SYNJ2: variants seen among roughly 807,000 people sequenced by gnomAD.
SYNJ2 encodes polyphosphatidylinositol phosphatase SYNJ2.
Under a neutral mutation model 141.3 loss-of-function variants are expected in SYNJ2, and 116 were observed. The observed-to-expected ratio is 0.82, with a 90% CI of 0.71 to 0.96. The LOEUF is 0.96. SYNJ2 is among the 40% of genes least tolerant of loss of function. The pLI, the probability that SYNJ2 is intolerant of heterozygous loss-of-function variation, is 0.00. For missense variants in SYNJ2, 1,873 were observed against 1,934.8 expected, an observed-to-expected ratio of 0.97 and a Z score of 0.60; for synonymous variants, 745 against 777.7, an observed-to-expected ratio of 0.96 and a Z score of 0.70.
chr6:158,004,854 A>C (rs546005888), intron 1 of SYNJ2, among the ~76,000 whole-genome samples: 12 of 151,204 alleles, frequency 7.9e-5, no homozygotes, highest in Non-Finnish European at 1.6e-4. Flanking sequence ...TCTCGCTGTC[A>C]TTTCTCACTA....
intron 4 of SYNJ2, among the ~76,000 whole-genome samples, chr6:158,042,126 G>A (rs992182100): frequency 6.6e-6 from 1 of 152,258 alleles, no homozygotes. Flanking sequence ...TTTCACGGTA[G>A]CCAACTATGT....
At chr6:158,018,723 G>T (rs145195410) in intron 2 of SYNJ2, among the ~76,000 whole-genome samples, 35 of 152,324 alleles carry the variant, frequency 2.3e-4, no homozygotes, top group African/African-American at 8.4e-4. Flanking sequence ...CCTAAAAATA[G>T]GCTACCGTGA....
At chr6:158,037,992 G>A (rs1288734319) in intron 4 of SYNJ2, among the ~76,000 whole-genome samples, 2 of 152,234 alleles carry the variant, frequency 1.3e-5, no homozygotes, top group African/African-American at 2.4e-5. Flanking sequence ...GCTGACTGGC[G>A]CTTGTCTCCT....
At chr6:158,036,531 T>A (rs1288383652) in intron 4 of SYNJ2, among the ~76,000 whole-genome samples, 1 of 152,120 alleles carries the variant, frequency 6.6e-6, no homozygotes, top group East Asian at 1.9e-4. Flanking sequence ...AACCAAACAC[T>A]GCATGTTCTT....
Position 158,081,605 on chromosome 6 carries a change from C to CTTT in SYNJ2, c.2865+123_2865+125dup, listed in dbSNP as rs60234675. On this transcript the variant is annotated intron_variant, in intron 20 of 26. Transcript: ENST00000355585. ...TTCCTCCTCTTGCCCTGACCTGTGC[C>CTTT]TTTTTTTTTTTTTTTTTTTTTTTTT... 818 of 213,000 alleles carry CTTT rather than the reference C, an allele frequency of 3.8e-3. 18 individuals are homozygous for CTTT. The highest frequency in any genetic ancestry group is 6.2e-3 in the South Asian group (174 of 28,254). The allele number at this position is 213,000 out of a possible 1,614,324, so 13.2% of individuals were successfully genotyped here. A position where few individuals can be genotyped will look rare whatever the true frequency, so the allele number is the denominator to read the frequency against.
chr6:158,028,566 G>A (rs1358906227), intron 2 of SYNJ2, 190 bp from the exon 3 acceptor site: 3 of 703,356 alleles, frequency 4.3e-6, no homozygotes, highest in Non-Finnish European at 6.9e-6. Context: ...ACTTTGAGAA[G>A]CCCCGCCTGA....
Position 158,084,272 on chromosome 6 carries a change from A to G in SYNJ2, c.3208+98A>G. On this transcript the variant is annotated intron_variant, in intron 22 of 26. Transcript: ENST00000355585. The surrounding 1 kb of genome is among the most constrained non-coding windows in gnomAD (Gnocchi z 5.0). Reference sequence around the variant, plus strand: ...GGCGATTGGGCACTGTGTGATATCAAGTATGCAGGTCCCAGGAGAGACCTC... The same window carrying G: ...GGCGATTGGGCACTGTGTGATATCAGGTATGCAGGTCCCAGGAGAGACCTC... 1 of 1,373,922 alleles carries G rather than the reference A, an allele frequency of 7.3e-7. No homozygotes were observed. The highest frequency in any genetic ancestry group is 2.6e-4 in the Middle Eastern group (1 of 3,834). 85.1% of individuals were successfully genotyped at this position (1,373,922 alleles called of 1,614,324 possible). A position where few individuals can be genotyped will look rare whatever the true frequency, so the allele number is the denominator to read the frequency against.
chr6:157,988,195 A>G (rs934202122), intron 1 of SYNJ2, among the ~76,000 whole-genome samples: 5 of 152,220 alleles, frequency 3.3e-5, no homozygotes, highest in African/African-American at 1.2e-4. Context: ...GGCATGTTAC[A>G]GGTGGAACGG....
chr6:158,029,610 A>T (rs1779258291), intron 3 of SYNJ2, among the ~76,000 whole-genome samples: 1 of 151,826 alleles, frequency 6.6e-6, no homozygotes, highest in East Asian at 1.9e-4. Context: ...ATAAGTAAAA[A>T]ACATAAGAGC....
Position 158,066,607 on chromosome 6 carries a change from C to T in SYNJ2, c.1689C>T (p.Pro563=). 1 of 1,613,858 alleles carries T rather than the reference C, an allele frequency of 6.2e-7. No homozygotes were observed. Among genetic ancestry groups the T allele is most frequent in the South Asian group, 1.1e-5 (1 of 91,082 alleles). The change falls in exon 12 of 27, where the codon CCC becomes CCT. Residue 563 remains proline, a synonymous_variant. Transcript: ENST00000355585. The part of the protein sequence containing the change: ...AELTDWLLDS[P]QLSGATDSQD... ...TGACAGACTGGCTGCTCGACTCGCC[C>T]CAGCTCTCGGGAGCTACCGACTCCC... is the stretch of plus-strand genomic sequence containing the variant.
chr6:157,999,287 C>T (rs927145943), intron 1 of SYNJ2, among the ~76,000 whole-genome samples: 3 of 152,252 alleles, frequency 2.0e-5, no homozygotes, highest in East Asian at 1.9e-4. Flanking sequence ...ACTCTCTTGC[C>T]ATCTCCCCCT....
At chr6:158,072,189 A>G (rs980439592) in intron 15 of SYNJ2, among the ~76,000 whole-genome samples, 2 of 152,198 alleles carry the variant, frequency 1.3e-5, no homozygotes, top group African/African-American at 4.8e-5. Context: ...CCTGAGATTC[A>G]CAGTCTTCAC....
chr6:158,068,065 G>A, intron 12 of SYNJ2: 5 of 866,170 alleles, frequency 5.8e-6, no homozygotes, highest in Non-Finnish European at 6.9e-6. Flanking sequence ...GATACACCAG[G>A]TTCCAGAGAA....
intron 17 of SYNJ2, among the ~76,000 whole-genome samples, chr6:158,077,075 AACCTCC>A (rs1363048644): frequency 1.3e-5 from 2 of 150,734 alleles, no homozygotes; most frequent in Admixed American, 1.3e-4. Flanking sequence ...GGCTCACCAC[AACCTCC>A]ACCTCCTGGG....
At chr6:158,093,233 A>G in intron 26 of SYNJ2, 129 bp downstream of exon 26, 2 of 1,018,366 alleles carry the variant, frequency 2.0e-6, no homozygotes, top group South Asian at 1.6e-5. Context: ...CAGGAGTTCA[A>G]GACCAGCCTG....
At chr6:158,011,592 T>C (rs1461082601) in intron 1 of SYNJ2, among the ~76,000 whole-genome samples, 1 of 152,206 alleles carries the variant, frequency 6.6e-6, no homozygotes. Flanking sequence ...GTCGTGTTTT[T>C]ACTTGTGCTT....
chr6:158,061,885 C>T lies in SYNJ2; in HGVS notation c.955-107C>T, dbSNP rs139733946. ...GAGCTTCCAGCTAAAGCACGTCCTG[C>T]GGCGAGTCACCTTGGTTAGCCGCAC... is the stretch of plus-strand genomic sequence containing the variant. On this transcript the variant is annotated intron_variant, in intron 7 of 26. Transcript: ENST00000355585. The T allele has an allele frequency of 3.7e-4, 420 of 1,134,312 alleles. 4 individuals are homozygous for T. In the African/African-American group the frequency reaches 5.5e-3, roughly 15 times the overall value. 70.3% of individuals were successfully genotyped at this position (1,134,312 alleles called of 1,614,324 possible).
At chr6:158,004,741 C>A (rs773012084) in intron 1 of SYNJ2, among the ~76,000 whole-genome samples, 7 of 152,168 alleles carry the variant, frequency 4.6e-5, no homozygotes, top group Non-Finnish European at 7.4e-5. Context: ...AACTCTCTCT[C>A]GGGGTCTGGA....
At chr6:158,074,976 G>T (rs957735842) in intron 16 of SYNJ2, among the ~76,000 whole-genome samples, 2 of 148,824 alleles carry the variant, frequency 1.3e-5, no homozygotes, top group Non-Finnish European at 3.0e-5. Context: ...AGTCACCCAG[G>T]TTGGAGTGCA....
Sources: allele counts gnomAD v4.1 joint callset (sites outside exome capture counted in the v4.1 genomes callset), GRCh38; gene constraint gnomAD v4.1.1; non-coding constraint Gnocchi (gnomAD v3.1); transcripts MANE v1.5; gene names NCBI Gene and HGNC (gene_info 2026-07-23, HGNC 2026-07-21).